F8: variants seen among roughly 807,000 people sequenced by gnomAD.
F8 encodes the protein antihemophilic factor.
In F8, 12 loss-of-function variants were observed where a neutral mutation model predicts 140.6. The ratio of observed to expected loss-of-function variants is 0.09; its 90% confidence interval spans 0.05 to 0.14. F8 has a LOEUF of 0.14. Among genes scored for constraint, F8 ranks in the 10% least tolerant of loss-of-function variants. F8 has a pLI of 1.00. For missense variants in F8, 1,354 were observed against 1,720.7 expected (o/e 0.79, Z 3.77); for synonymous variants, 585 against 614.6 (o/e 0.95, Z 0.71).
chrX:155,004,008 TA>T (rs1306326853), intron 1 of F8, among the ~76,000 whole-genome samples: 3 of 48,759 alleles, frequency 6.2e-5, no homozygotes, highest in African/African-American at 2.3e-4. Context: ...AGCAAACAAA[TA>T]AAAAAACCCT....
intron 6 of F8, among the ~76,000 whole-genome samples, chrX:154,981,570 G>A (rs1320499860): frequency 1.8e-5 from 2 of 110,482 alleles, no homozygotes; most frequent in African/African-American, 6.6e-5. Flanking sequence ...AAGGGGCATG[G>A]GGCCAGCCAC....
intron 25 of F8, among the ~76,000 whole-genome samples, chrX:154,843,242 C>A (rs782141755): frequency 2.0e-3 from 221 of 111,652 alleles, no homozygotes; most frequent in African/African-American, 6.8e-3. Context: ...GTGAATAGTG[C>A]CGCAATAAAC....
intron 1 of F8, among the ~76,000 whole-genome samples, chrX:155,016,040 C>T (rs782051520): frequency 1.3e-4 from 15 of 111,496 alleles, no homozygotes; most frequent in Non-Finnish European, 2.4e-4. Flanking sequence ...AGTTTGAGAC[C>T]AGCCTGGCCA....
intron 22 of F8, among the ~76,000 whole-genome samples, chrX:154,876,172 T>C (rs2072812024): frequency 1.0e-5 from 1 of 100,243 alleles, no homozygotes; most frequent in Non-Finnish European, 2.0e-5. Context: ...CAGGCTGGAG[T>C]GCCGTGGCGC....
chrX:154,942,697 G>A (rs1340733877), intron 13 of F8, among the ~76,000 whole-genome samples: 1 of 109,972 alleles, frequency 9.1e-6, no homozygotes, highest in Non-Finnish European at 1.9e-5. Flanking sequence ...TACCAAAGCC[G>A]GGCAGAGACA....
rs781946535 is a variant in F8, at chrX:154,902,316, G to A, written c.5999-149C>T. On this transcript the variant is annotated intron_variant, in intron 18 of 25. Coordinates refer to ENST00000360256, the MANE Select transcript of F8 (RefSeq NM_000132.4). ...CCCTCAAATGCAAAGTGCTTGCTAC[G>A]TGACCCTTACAGTTGGGGGTTGTGG... 62 of 498,413 alleles carry A rather than the reference G, an allele frequency of 1.2e-4. No individual in the cohort carries two copies. In the South Asian group the frequency reaches 1.3e-3, roughly 11 times the overall value. The allele number at this position is 498,413 out of a possible 1,213,427, so 41.1% of individuals were successfully genotyped here.
At chrX:154,926,176 G>A (rs782807554) in intron 14 of F8, among the ~76,000 whole-genome samples, 1 of 112,051 alleles carries the variant, frequency 8.9e-6, no homozygotes, top group African/African-American at 3.3e-5. Flanking sequence ...TGCCATGATT[G>A]TGAGGCCTCC....
intron 22 of F8, among the ~76,000 whole-genome samples, chrX:154,870,932 G>A (rs782378373): frequency 3.0e-4 from 34 of 111,595 alleles, no homozygotes; most frequent in African/African-American, 1.0e-3. Flanking sequence ...AATCATGAGT[G>A]AACTCCCATT....
chrX:154,904,538 A>T lies in F8; in HGVS notation c.5587-14T>A. 1.7e-6 allele frequency: 2 copies of T among 1,163,361 alleles called. No homozygotes were observed. Among genetic ancestry groups the T allele is most frequent in the Non-Finnish European group, 2.3e-6 (2 of 851,467 alleles). ...CACATCTTTTTCCTAGGGAGGGAAG[A>T]CATCAATCCTATGAGTATAAGCTCT... On this transcript the variant is annotated splice_polypyrimidine_tract_variant and intron_variant, in intron 16 of 25. Coordinates refer to ENST00000360256, the MANE Select transcript of F8 (RefSeq NM_000132.4).
At chrX:154,877,026 T>C (rs1244974349) in intron 22 of F8, among the ~76,000 whole-genome samples, 1 of 112,257 alleles carries the variant, frequency 8.9e-6, no homozygotes, top group Non-Finnish European at 1.9e-5. Flanking sequence ...ATGAAGTATA[T>C]ATCAATGTAA....
chrX:154,970,869 TTA>T (rs1220409290), intron 6 of F8, among the ~76,000 whole-genome samples: 1 of 111,890 alleles, frequency 8.9e-6, no homozygotes, highest in African/African-American at 3.3e-5. Context: ...GCATGTATTA[TTA>T]TGCTTATTTG....
rs781971327 is a variant in F8, at chrX:154,929,011, C to T, written c.4779G>A (p.Gln1593=). 8.3e-7 allele frequency: 1 copy of T among 1,209,686 alleles called. No homozygotes were observed. Among genetic ancestry groups the T allele is most frequent in the South Asian group, 1.8e-5 (1 of 56,790 alleles). ...GGGATTTCCACTCTTCTTTTGGTAT[C>T]TGAGTACCATAGTGGTTATCCCAAG... is the stretch of plus-strand genomic sequence containing the variant. ...PLAWDNHYGT[Q]IPKEEWKSQE... The change falls in exon 14 of 26, where the codon CAG becomes CAA. Residue 1593 remains glutamine (Q), a synonymous_variant. Transcript: ENST00000360256.
At chrX:154,944,069 G>T (rs1487970437) in intron 13 of F8, among the ~76,000 whole-genome samples, 2 of 111,694 alleles carry the variant, frequency 1.8e-5, no homozygotes, top group East Asian at 5.6e-4. Context: ...AAAAACCCTA[G>T]AAGAAAACCT....
At chrX:154,859,459 C>T (rs1454600296) in intron 25 of F8, among the ~76,000 whole-genome samples, 3 of 109,104 alleles carry the variant, frequency 2.7e-5, no homozygotes, top group Non-Finnish European at 3.8e-5. Flanking sequence ...CCCGCCACCA[C>T]GCTTGGCTAA....
intron 22 of F8, among the ~76,000 whole-genome samples, chrX:154,876,333 A>C (rs1175802445): frequency 9.1e-6 from 1 of 109,847 alleles, no homozygotes; most frequent in Non-Finnish European, 1.9e-5. Flanking sequence ...GTTAGCCAGG[A>C]TGGTCTCAAT....
intron 11 of F8, among the ~76,000 whole-genome samples, chrX:154,956,453 G>A (rs190279710): frequency 7.2e-4 from 81 of 112,153 alleles, no homozygotes; most frequent in African/African-American, 2.4e-3. Context: ...AAAGACAGGC[G>A]TAAGAAATTA....
At chrX:155,010,460 G>A (rs1338127171) in intron 1 of F8, among the ~76,000 whole-genome samples, 7 of 111,607 alleles carry the variant, frequency 6.3e-5, no homozygotes, top group East Asian at 5.6e-4. Context: ...CTTGGCAGAG[G>A]CTGTCAGGAT....
chrX:154,893,643 T>C (rs1216831696), intron 22 of F8, among the ~76,000 whole-genome samples: 1 of 110,813 alleles, frequency 9.0e-6, no homozygotes, highest in East Asian at 2.8e-4. Context: ...GTCTGGGGAG[T>C]CATGCCCTAC....
At chrX:154,988,505 G>A (rs1237629765) in intron 4 of F8, among the ~76,000 whole-genome samples, 2 of 111,761 alleles carry the variant, frequency 1.8e-5, no homozygotes, top group Non-Finnish European at 3.8e-5. Flanking sequence ...TTAGGGAGGT[G>A]TCCACAGTCT....
Sources: gnomAD v4.1 joint callset for allele counts (sites outside exome capture counted in the v4.1 genomes callset) on GRCh38, gnomAD v4.1.1 for gene constraint, MANE v1.5 for transcripts, NCBI Gene and HGNC (gene_info 2026-07-23, HGNC 2026-07-21) for gene names.